The following HPSE2 variants were observed in gnomAD, a reference collection of about 807,000 sequenced individuals.
The protein encoded by HPSE2 is heparanase 2 (inactive).
Under a neutral mutation model 60.5 loss-of-function variants are expected in HPSE2, and 38 were observed. That is an observed-to-expected ratio of 0.63 (90% CI 0.48 to 0.82). The LOEUF is 0.82. Ranked by LOEUF, HPSE2 falls within the 40% of genes least tolerant of loss-of-function variation. HPSE2 has a pLI of 0.00. For missense variants in HPSE2, 713 were observed against 740.4 expected (o/e 0.96, Z 0.43); for synonymous variants, 295 against 293.2 (o/e 1.01, Z -0.06).
At chr10:98,800,049 G>GA (rs150282916) in intron 3 of HPSE2, among the ~76,000 whole-genome samples, 9,888 of 150,186 alleles carry the variant, frequency 0.066, 999 homozygotes, top group African/African-American at 0.22. Context: ...AACTAACAAA[G>GA]AAAAAAAAAG....
At chr10:98,944,551 C>T (rs1274593201) in intron 3 of HPSE2, among the ~76,000 whole-genome samples, 1 of 152,096 alleles carries the variant, frequency 6.6e-6, no homozygotes, top group African/African-American at 2.4e-5. Context: ...GGAAAGCAAC[C>T]CATTTTATGC....
rs1325865344 is a variant in HPSE2 at position 98,565,390 on chromosome 10, T to C, written c.1320+49514A>G. On this transcript the variant is annotated intron_variant, in intron 9 of 11. Transcript: ENST00000370552. The stretch of plus-strand genomic sequence containing the variant: ...CCCTCCCTGTGTCCATGTGTTCTCA[T>C]TGTCCGACTCCCACTTATGAATGAG... Among the ~76,000 whole-genome samples the C allele has an allele frequency of 2.0e-5, 3 of 152,110 alleles. No homozygotes were observed. The East Asian group carries it at 5.8e-4, about 29-fold the overall frequency.
intron 3 of HPSE2, among the ~76,000 whole-genome samples, chr10:98,947,100 T>C (rs1955208700): frequency 6.6e-6 from 1 of 152,022 alleles, no homozygotes; most frequent in African/African-American, 2.4e-5. Flanking sequence ...TACCACCGAT[T>C]GAGGTTTGCA....
chr10:98,708,594 C>T (rs1948603907), intron 5 of HPSE2, among the ~76,000 whole-genome samples: 1 of 152,134 alleles, frequency 6.6e-6, no homozygotes, highest in Non-Finnish European at 1.5e-5. Flanking sequence ...AGTATGTGCT[C>T]ATGTAAAAAT....
the HPSE2 span, among the ~76,000 whole-genome samples, chr10:99,245,771 T>C: frequency 6.6e-6 from 1 of 152,204 alleles, no homozygotes; most frequent in Non-Finnish European, 1.5e-5. Flanking sequence ...GTAATCCCAC[T>C]GCTGGGCATA....
intron 3 of HPSE2, among the ~76,000 whole-genome samples, chr10:98,980,302 ATTT>A (rs1296135497): frequency 1.3e-5 from 2 of 152,188 alleles, no homozygotes; most frequent in Admixed American, 1.3e-4. Flanking sequence ...AAAGTTTATT[ATTT>A]TGTTATTACT....
chr10:98,590,620 C>T (rs529156991), intron 9 of HPSE2, among the ~76,000 whole-genome samples: 1 of 152,310 alleles, frequency 6.6e-6, no homozygotes, highest in South Asian at 2.1e-4. Context: ...AGCATTTCTC[C>T]AGTACAGAAA....
In HPSE2 at chr10:98,832,180, TATAATGCTTTGATAAC is replaced by T. The variant is rs371254638; in HGVS notation, c.611-88140_611-88125del. Among the ~76,000 whole-genome samples, 168 of 152,306 alleles carry T rather than the reference TATAATGCTTTGATAAC, an allele frequency of 1.1e-3. 3 individuals are homozygous for T. The highest frequency in any genetic ancestry group is 3.8e-3 in the African/African-American group (156 of 41,558). On this transcript the variant is annotated intron_variant, in intron 3 of 11. Transcript: ENST00000370552. ...TGGTGTTCAGTCAATCTCCAATTGA[TATAATGCTTTGATAAC>T]ATATGAGCAGCATGGGTTAAATCCA... is the stretch of plus-strand genomic sequence containing the variant.
the HPSE2 span, among the ~76,000 whole-genome samples, chr10:99,251,996 A>C: frequency 1.3e-5 from 2 of 151,922 alleles, no homozygotes. Context: ...CCATGATCAT[A>C]CCACTCCAGC....
At chr10:98,634,674 G>A (rs1249704698) in intron 7 of HPSE2, among the ~76,000 whole-genome samples, 3 of 152,112 alleles carry the variant, frequency 2.0e-5, no homozygotes, top group Non-Finnish European at 4.4e-5. Context: ...CCATGGTCCT[G>A]CAACTACAAT....
At chr10:99,066,706 G>A (rs551370918) in intron 3 of HPSE2, among the ~76,000 whole-genome samples, 8 of 152,156 alleles carry the variant, frequency 5.3e-5, no homozygotes, top group South Asian at 2.1e-4. Context: ...CTTGACACAC[G>A]GGGATTATCA....
intron 5 of HPSE2, among the ~76,000 whole-genome samples, chr10:98,694,685 T>TG (rs1948165678): frequency 1.3e-5 from 2 of 152,200 alleles, no homozygotes; most frequent in South Asian, 4.1e-4. Context: ...AAGATGCATC[T>TG]GGGGGCCCAA....
intron 9 of HPSE2, among the ~76,000 whole-genome samples, chr10:98,548,041 T>C (rs948916076): frequency 6.6e-5 from 10 of 152,192 alleles, no homozygotes; most frequent in Non-Finnish European, 8.8e-5. Flanking sequence ...GAAATACAGA[T>C]ATGGACAACA....
intron 9 of HPSE2, among the ~76,000 whole-genome samples, chr10:98,562,714 CAAAA>C (rs34420790): frequency 1.4e-4 from 12 of 88,858 alleles, no homozygotes; most frequent in Admixed American, 4.8e-4. Context: ...GACTCTGTCT[CAAAA>C]AAAAAAAAAA....
intron 2 of HPSE2, among the ~76,000 whole-genome samples, chr10:99,189,636 C>T (rs11190012): frequency 8.5e-5 from 13 of 152,080 alleles, no homozygotes; most frequent in Admixed American, 7.9e-4. Flanking sequence ...GTTGGTGTCC[C>T]GAAAGAATGC....
At chr10:99,173,169 G>A (rs1372258639) in intron 2 of HPSE2, among the ~76,000 whole-genome samples, 1 of 152,158 alleles carries the variant, frequency 6.6e-6, no homozygotes, top group East Asian at 1.9e-4. Flanking sequence ...AGGTTCTGGA[G>A]AGATGTCAGA....
At chr10:98,707,949 A>C (rs1948588133) in intron 5 of HPSE2, among the ~76,000 whole-genome samples, 1 of 152,118 alleles carries the variant, frequency 6.6e-6, no homozygotes, top group Admixed American at 6.5e-5. Flanking sequence ...TAAAACATTC[A>C]AGATTTAGTA....
intron 3 of HPSE2, among the ~76,000 whole-genome samples, chr10:98,794,066 T>C (rs896326359): frequency 7.2e-5 from 11 of 152,262 alleles, no homozygotes; most frequent in African/African-American, 2.4e-4. Flanking sequence ...GTTATGAAAG[T>C]ACAGTTACCA....
intron 3 of HPSE2, among the ~76,000 whole-genome samples, chr10:98,904,095 T>C (rs1429943454): frequency 6.6e-6 from 1 of 152,196 alleles, no homozygotes; most frequent in African/African-American, 2.4e-5. Context: ...ATAGTATCAC[T>C]GTGTATTATA....
Sources: allele counts gnomAD v4.1 joint callset (sites outside exome capture counted in the v4.1 genomes callset), GRCh38; gene constraint gnomAD v4.1.1; transcripts MANE v1.5; gene names NCBI Gene and HGNC (gene_info 2026-07-23, HGNC 2026-07-21).